DLC1: variants seen among roughly 807,000 people sequenced by gnomAD.
DLC1 encodes rho GTPase-activating protein 7.
DLC1 carries 54 observed loss-of-function variants against 140.3 expected under a neutral mutation model. The ratio of observed to expected loss-of-function variants is 0.38; its 90% CI spans 0.31 to 0.48. DLC1 has a LOEUF of 0.48. Among genes scored for constraint, DLC1 ranks in the 20% least tolerant of loss-of-function variants. The pLI is 0.96. For missense variants in DLC1, 2,536 were observed against 1,907.0 expected (o/e 1.33, Z -6.14); for synonymous variants, 986 against 728.1 (o/e 1.35, Z -5.70).
At chr8:13,416,701 A>T (rs1356832524) in intron 2 of DLC1, among the ~76,000 whole-genome samples, 1 of 152,188 alleles carries the variant, frequency 6.6e-6, no homozygotes, top group Non-Finnish European at 1.5e-5. Context: ...GTCATCTTAT[A>T]CTTTGTATAT....
intron 1 of DLC1, among the ~76,000 whole-genome samples, chr8:13,582,419 G>A (rs967463646): frequency 5.9e-5 from 9 of 152,134 alleles, no homozygotes; most frequent in African/African-American, 2.2e-4. Flanking sequence ...TCAGTGGACT[G>A]GGGAAGGCAG....
intron 1 of DLC1, among the ~76,000 whole-genome samples, chr8:13,588,413 T>C (rs1805404325): frequency 6.6e-6 from 1 of 151,998 alleles, no homozygotes; most frequent in African/African-American, 2.4e-5. Flanking sequence ...CATTCCACAG[T>C]AGTTGAGAGC....
chr8:13,418,060 G>T (rs537425224), intron 2 of DLC1, among the ~76,000 whole-genome samples: 189 of 152,056 alleles, frequency 1.2e-3, no homozygotes, highest in African/African-American at 4.1e-3. Flanking sequence ...TTGATGGGGT[G>T]GTTTGTTTTT....
At chr8:13,153,545 T>C (rs1474768700) in intron 5 of DLC1, among the ~76,000 whole-genome samples, 2 of 152,216 alleles carry the variant, frequency 1.3e-5, no homozygotes, top group Non-Finnish European at 2.9e-5. Flanking sequence ...TCTTATTCCC[T>C]TATGTGGTCC....
At chr8:13,458,705 C>G (rs1255705785) in intron 2 of DLC1, among the ~76,000 whole-genome samples, 1 of 152,070 alleles carries the variant, frequency 6.6e-6, no homozygotes, top group Non-Finnish European at 1.5e-5. Context: ...GAAATAAGGG[C>G]TAAATCCATA....
chr8:13,192,659 A>C (rs1026886008), intron 5 of DLC1, among the ~76,000 whole-genome samples: 1 of 152,202 alleles, frequency 6.6e-6, no homozygotes, highest in African/African-American at 2.4e-5. Context: ...CCCAGTAGTC[A>C]GAATGTGATT....
chr8:13,225,698 C>T (rs1391620887), intron 5 of DLC1, among the ~76,000 whole-genome samples: 2 of 151,138 alleles, frequency 1.3e-5, no homozygotes, highest in African/African-American at 4.9e-5. Context: ...TCACTGCAAG[C>T]TCCGCCTCCT....
At chr8:13,237,098 C>G (rs1829315696) in intron 5 of DLC1, among the ~76,000 whole-genome samples, 1 of 151,342 alleles carries the variant, frequency 6.6e-6, no homozygotes, top group Admixed American at 6.6e-5. Context: ...GCTTATATCT[C>G]TTCTGTTGTT....
At chr8:13,299,159 G>C (rs2117494302) in intron 5 of DLC1, among the ~76,000 whole-genome samples, 1 of 151,494 alleles carries the variant, frequency 6.6e-6, no homozygotes, top group East Asian at 1.9e-4. Context: ...AAAAAAAAAT[G>C]TGGATGGGTG....
At chr8:13,189,670 G>A (rs763323312) in intron 5 of DLC1, among the ~76,000 whole-genome samples, 43 of 152,146 alleles carry the variant, frequency 2.8e-4, no homozygotes, top group Non-Finnish European at 3.8e-4. Context: ...GTCACCTGAG[G>A]TTAGGAGTTT....
intron 5 of DLC1, among the ~76,000 whole-genome samples, chr8:13,163,580 T>C (rs1016158407): frequency 2.0e-5 from 3 of 151,962 alleles, no homozygotes; most frequent in African/African-American, 7.3e-5. Flanking sequence ...AGTGATACAT[T>C]GTGGTGGCTA....
chr8:13,553,816 A>C lies in DLC1; in HGVS notation c.-126+50721T>G, dbSNP rs564490739. Among the ~76,000 whole-genome samples the C allele has an allele frequency of 7.5e-4, 114 of 152,284 alleles. 1 individual carries two copies. Among genetic ancestry groups the C allele is most frequent in the Admixed American group, 1.6e-3 (24 of 15,288 alleles). On this transcript the variant is annotated intron_variant, in intron 1 of 1. Transcript: ENST00000631382. ...TGTCAAGGTCACCCAAGTCCTCCGC[A>C]TTAAAAATTCTAATAGTTAATTCTT...
chr8:13,209,272 T>C (rs1215120814), intron 5 of DLC1, among the ~76,000 whole-genome samples: 1 of 152,140 alleles, frequency 6.6e-6, no homozygotes, highest in East Asian at 1.9e-4. Flanking sequence ...TAAAGACTCA[T>C]CTCAAGATTT....
chr8:13,162,374 G>T (rs1246169528), intron 5 of DLC1, among the ~76,000 whole-genome samples: 5 of 152,166 alleles, frequency 3.3e-5, no homozygotes, highest in Non-Finnish European at 5.9e-5. Flanking sequence ...CCAGGCTGGA[G>T]AATAATGGCA....
At chr8:13,142,107 G>A (rs1203217787) in intron 5 of DLC1, among the ~76,000 whole-genome samples, 2 of 152,188 alleles carry the variant, frequency 1.3e-5, no homozygotes, top group East Asian at 1.9e-4. Context: ...AGTCGCTCCT[G>A]CCGCCTTGTG....
At chr8:13,219,256 AAT>A (rs1305524067) in intron 5 of DLC1, among the ~76,000 whole-genome samples, 1 of 137,420 alleles carries the variant, frequency 7.3e-6, no homozygotes, top group African/African-American at 2.6e-5. Context: ...CTTGAATATG[AAT>A]ATAACTATAT....
chr8:13,411,630 A>C (rs759564418), intron 2 of DLC1, among the ~76,000 whole-genome samples: 1 of 152,208 alleles, frequency 6.6e-6, no homozygotes, highest in Non-Finnish European at 1.5e-5. Context: ...GGCTATTGGC[A>C]GAGGGCATAT....
At chr8:13,319,867 G>T (rs1292095196) in intron 4 of DLC1, among the ~76,000 whole-genome samples, 1 of 109,876 alleles carries the variant, frequency 9.1e-6, no homozygotes, top group African/African-American at 3.5e-5. Flanking sequence ...CTTTCGCCCA[G>T]GCTGCAGTGC....
chr8:13,193,131 C>T (rs1330376466), intron 5 of DLC1, among the ~76,000 whole-genome samples: 1 of 152,146 alleles, frequency 6.6e-6, no homozygotes, highest in Non-Finnish European at 1.5e-5. Context: ...AGAGACCTCT[C>T]AATCTTAGAA....
Sources: gnomAD v4.1 joint callset for allele counts (sites outside exome capture counted in the v4.1 genomes callset) on GRCh38, gnomAD v4.1.1 for gene constraint, MANE v1.5 for transcripts, NCBI Gene and HGNC (gene_info 2026-07-23, HGNC 2026-07-21) for gene names.